The following USH2A variants were observed in gnomAD, a reference collection of about 807,000 sequenced individuals.
USH2A encodes the protein usherin, also known as Usher syndrome 2A (autosomal recessive, mild).
A neutral mutation model predicts 538.9 loss-of-function variants in USH2A; 443 were observed. The ratio of observed to expected loss-of-function variants is 0.82; its 90% CI spans 0.76 to 0.89. The LOEUF is 0.89. Among genes scored for constraint, USH2A ranks in the 40% least tolerant of loss-of-function variants. The pLI is 0.00. For synonymous variants in USH2A, 2,413 were observed against 2,273.5 expected (o/e 1.06, Z -1.75); for missense variants, 6,633 against 6,324.8 (o/e 1.05, Z -1.65).
chr1:216,074,007 G>A (rs190650886), intron 27 of USH2A, among the ~76,000 whole-genome samples: 1 of 152,330 alleles, frequency 6.6e-6, no homozygotes, highest in East Asian at 1.9e-4. Context: ...AGCCTTCACT[G>A]TTGGCAATAG....
chr1:216,109,096 T>C (rs957904456), intron 21 of USH2A, among the ~76,000 whole-genome samples: 1 of 152,144 alleles, frequency 6.6e-6, no homozygotes. Flanking sequence ...ACTATAAATA[T>C]TTTTGGCTCA....
intron 16 of USH2A, among the ~76,000 whole-genome samples, chr1:216,202,713 G>A (rs1328862005): frequency 6.6e-6 from 1 of 152,136 alleles, no homozygotes; most frequent in East Asian, 1.9e-4. Flanking sequence ...GCCCATGATT[G>A]CTGAATATAC....
At chr1:216,132,795 G>C (rs1420296028) in intron 21 of USH2A, among the ~76,000 whole-genome samples, 1 of 152,012 alleles carries the variant, frequency 6.6e-6, no homozygotes, top group Non-Finnish European at 1.5e-5. Context: ...CCTCTCTGGG[G>C]ACACATGACA....
intron 61 of USH2A, among the ~76,000 whole-genome samples, chr1:215,705,254 C>T (rs1352316603): frequency 6.6e-6 from 1 of 152,222 alleles, no homozygotes; most frequent in Non-Finnish European, 1.5e-5. Flanking sequence ...TTTAGACTTG[C>T]ATGGGCATAG....
At chr1:215,730,717 G>C (rs957764407) in intron 60 of USH2A, among the ~76,000 whole-genome samples, 7 of 152,186 alleles carry the variant, frequency 4.6e-5, no homozygotes, top group African/African-American at 1.7e-4. Context: ...ACCTAAGTAT[G>C]AGCAATGACA....
At chr1:216,251,529 C>A (rs920995659) in intron 11 of USH2A, among the ~76,000 whole-genome samples, 3 of 136,610 alleles carry the variant, frequency 2.2e-5, no homozygotes. Flanking sequence ...CGGCTCACTG[C>A]AAGCTCCGCC....
chr1:216,325,315 C>A lies in USH2A; in HGVS notation c.1133G>T (p.Gly378Val), dbSNP rs766118782. 2.5e-6 allele frequency: 4 copies of A among 1,613,658 alleles called. No individual in the cohort carries two copies. In the Middle Eastern group the frequency reaches 5.0e-4, roughly 200 times the overall value. ...GVTISVDLENGQYQVFYIIIQ... is the reference protein window; with the variant it reads ...GVTISVDLENVQYQVFYIIIQ... ...ATCGTTTCTCATTACCTGATACTGT[C>A]CATTTTCCAAATCAACTGAAATAGT... is the stretch of plus-strand genomic sequence containing the variant. The change falls in exon 6 of 72, where the codon GGA (glycine) becomes GTA (valine). Residue 378 changes from glycine to valine, a missense_variant. By Grantham distance (109) the Gly-to-Val change is moderately radical. Transcript: ENST00000307340.
chr1:215,819,847 A>G (rs1464811682), intron 47 of USH2A, among the ~76,000 whole-genome samples: 2 of 151,808 alleles, frequency 1.3e-5, no homozygotes, highest in African/African-American at 2.4e-5. Flanking sequence ...GATTAAGAAG[A>G]GTATTGGGTT....
At chr1:215,978,368 T>C (rs1412905721) in intron 35 of USH2A, among the ~76,000 whole-genome samples, 1 of 152,158 alleles carries the variant, frequency 6.6e-6, no homozygotes. Flanking sequence ...TCTTGTTATA[T>C]GTTTCTGGTC....
At chr1:216,080,292 A>G (rs997825164) in intron 26 of USH2A, among the ~76,000 whole-genome samples, 3 of 152,160 alleles carry the variant, frequency 2.0e-5, no homozygotes, top group South Asian at 2.1e-4. Flanking sequence ...TTAAGTGACA[A>G]TGATCTCCTT....
Position 215,788,915 on chromosome 1 carries a change from CCAAAACAAAACAAAA to C in USH2A, c.10182+1129_10182+1143del, listed in dbSNP as rs142498202. On this transcript the variant is annotated intron_variant, in intron 51 of 71. Transcript: ENST00000307340. ...CTCCAAATGGAATGAAACTTGGAAT[CCAAAACAAAACAAAA>C]CAAAACAAAACAAAACAAAAAAACA... is the stretch of plus-strand genomic sequence containing the variant. Among the ~76,000 whole-genome samples the C allele has an allele frequency of 4.6e-3, 681 of 149,538 alleles. 7 individuals carry two copies. Among genetic ancestry groups the C allele is most frequent in the Middle Eastern group, 0.014 (4 of 292 alleles).
intron 64 of USH2A, among the ~76,000 whole-genome samples, chr1:215,651,812 A>C (rs974284304): frequency 6.6e-6 from 1 of 152,220 alleles, no homozygotes; most frequent in African/African-American, 2.4e-5. Flanking sequence ...CAAGAGAAGA[A>C]ACATTAGACA....
chr1:215,936,953 A>T (rs1222534220), intron 37 of USH2A, among the ~76,000 whole-genome samples: 2 of 152,158 alleles, frequency 1.3e-5, no homozygotes, highest in Non-Finnish European at 2.9e-5. Context: ...TTGTAAAAAC[A>T]TACAAAAAGT....
intron 55 of USH2A, among the ~76,000 whole-genome samples, chr1:215,767,115 G>C (rs906686620): frequency 4.6e-5 from 7 of 152,166 alleles, no homozygotes; most frequent in South Asian, 2.1e-4. Context: ...GTCTCTCAAA[G>C]AGCCCATTAC....
chr1:216,378,861 T>G (rs1308261171), intron 3 of USH2A, among the ~76,000 whole-genome samples: 1 of 152,074 alleles, frequency 6.6e-6, no homozygotes, highest in Non-Finnish European at 1.5e-5. Context: ...ATTTTTATAA[T>G]TTTTTTTCTC....
intron 11 of USH2A, among the ~76,000 whole-genome samples, chr1:216,280,155 G>C (rs976795286): frequency 8.6e-5 from 13 of 151,222 alleles, no homozygotes; most frequent in Admixed American, 6.6e-4. Flanking sequence ...AAATGGAAAA[G>C]GACAGTTAAC....
chr1:215,825,427 C>T (rs926877954), intron 47 of USH2A, among the ~76,000 whole-genome samples: 4 of 151,426 alleles, frequency 2.6e-5, no homozygotes, highest in African/African-American at 9.7e-5. Flanking sequence ...AATTTGATAT[C>T]ACTTACCTTT....
intron 47 of USH2A, among the ~76,000 whole-genome samples, chr1:215,832,665 T>G (rs1185609809): frequency 1.3e-5 from 2 of 151,968 alleles, no homozygotes; most frequent in African/African-American, 4.8e-5. Context: ...GGTAAAAGAC[T>G]GAAAGTTTTC....
In USH2A at chr1:215,674,212, G is replaced by C. The variant is rs1473331867; in HGVS notation, c.13699C>G (p.Leu4567Val). Residue 4567 changes from leucine to valine, a missense_variant, in exon 63 of 72, where the codon CTC becomes GTC. By Grantham distance (32) the Leu-to-Val change is conservative. Transcript: ENST00000307340. ...CTTTCAAATAGTTCACGGATGAAGAGGGTATAATTGATGATATCACCATTT... is the reference window on the plus strand; with the variant it reads ...CTTTCAAATAGTTCACGGATGAAGACGGTATAATTGATGATATCACCATTT... ...RTNGDIINYTLFIRELFERET... is the reference protein window; with the variant it reads ...RTNGDIINYTVFIRELFERET... 2.5e-6 allele frequency: 4 copies of C among 1,614,152 alleles called. No individual in the cohort carries two copies. The highest frequency in any genetic ancestry group is 1.7e-5 in the Admixed American group (1 of 60,020).
Sources: allele counts gnomAD v4.1 joint callset (sites outside exome capture counted in the v4.1 genomes callset), GRCh38; gene constraint gnomAD v4.1.1; transcripts MANE v1.5; gene names NCBI Gene and HGNC (gene_info 2026-07-23, HGNC 2026-07-21).